Variants in FXYD7 observed in about 807,000 individuals in gnomAD.
The protein encoded by FXYD7 is FXYD domain containing ion transport regulator 7.
In FXYD7, 7 loss-of-function variants were observed where a neutral mutation model predicts 15.3. The ratio of observed to expected loss-of-function variants is 0.46; its 90% CI spans 0.26 to 0.86. The LOEUF is 0.86. Ranked by LOEUF, FXYD7 falls within the 40% of genes least tolerant of loss-of-function variation. FXYD7 has a pLI of 0.16. For synonymous variants in FXYD7, 39 were observed against 39.3 expected (o/e 0.99, Z 0.03); for missense variants, 78 against 100.6 (o/e 0.78, Z 0.96).
In FXYD7 at chr19:35,143,404, G is replaced by A; in HGVS notation, c.31+40G>A. On this transcript the variant is annotated intron_variant, in intron 1 of 5. Coordinates refer to ENST00000270310, the MANE Select transcript of FXYD7 (RefSeq NM_022006.2). This position sits in a 1 kb window ranked among gnomAD's most constrained non-coding sequence, Gnocchi z 4.3. ...GGGAGGGGGTTGCAGGGGGGCTCCG[G>A]GATCTGAGAGCCTAGGAGAGAGGGT... 2 of 1,438,986 alleles carry A rather than the reference G, an allele frequency of 1.4e-6. No homozygotes were observed. The highest frequency in any genetic ancestry group is 1.9e-6 in the Non-Finnish European group (2 of 1,076,548). 89.1% of individuals were successfully genotyped at this position (1,438,986 alleles called of 1,614,324 possible).
Position 35,151,454 on chromosome 19 carries a change from T to G in FXYD7, c.151T>G (p.Cys51Gly), listed in dbSNP as rs764079156. The change falls in exon 4 of 6, where the codon TGC (cysteine) becomes GGC (glycine). Residue 51 changes from cysteine to glycine, a missense_variant. By Grantham distance (159) the Cys-to-Gly change is radical (BLOSUM62 -3). Transcript: ENST00000270310. ...TCTCCCAACAGGCAAGAAGGTGAAG[T>G]GCAGGAAGGCGGACTCCAGGTCTGA... The part of the protein sequence containing the change: ...ILIVISKKVK[C>G]RKADSRSESP... 6.2e-7 allele frequency: 1 copy of G among 1,614,142 alleles called. No individual in the cohort carries two copies. Among genetic ancestry groups the G allele is most frequent in the East Asian group, 2.2e-5 (1 of 44,878 alleles).
In FXYD7 at chr19:35,143,346, A is replaced by C. The variant is rs1424235783; in HGVS notation, c.13A>C (p.Thr5Pro). The C allele has an allele frequency of 6.6e-7, 1 of 1,523,590 alleles. No individual in the cohort carries two copies. Among genetic ancestry groups the C allele is most frequent in the Non-Finnish European group, 8.8e-7 (1 of 1,137,578 alleles). 94.4% of individuals were successfully genotyped at this position (1,523,590 alleles called of 1,614,324 possible). MATP[T>P]QTPTKAPEEP... ...GCTCCGGCCCAGCATGGCGACCCCG[A>C]CCCAGACCCCCACAAAGGGTGAGCG... is the stretch of plus-strand genomic sequence containing the variant. Residue 5 changes from threonine (T) to proline (P), a missense_variant, in exon 1 of 6, where the codon ACC becomes CCC. Physicochemically the swap from Thr to Pro is conservative, Grantham distance 38. Transcript: ENST00000270310. The surrounding 1 kb of genome is among the most constrained non-coding windows in gnomAD (Gnocchi z 4.3).
rs752702983 is a variant in FXYD7 at position 35,151,260 on chromosome 19, A to G, written c.68A>G (p.Asn23Ser). The G allele has an allele frequency of 5.0e-6, 8 of 1,598,148 alleles. No homozygotes were observed. Among genetic ancestry groups the G allele is most frequent in the Non-Finnish European group, 6.9e-6 (8 of 1,165,596 alleles). The stretch of plus-strand genomic sequence containing the variant: ...CCCCCATTATCTTCCCCAGACTACA[A>G]CACGGTGCAGACTGTGGGCATGACT... ...EEPDPFYYDY[N>S]TVQTVGMTLA... The change falls in exon 3 of 6, where the codon AAC (asparagine) becomes AGC (serine). Residue 23 changes from asparagine (N) to serine (S), a missense_variant. Physicochemically the swap from Asn to Ser is conservative, Grantham distance 46. Coordinates refer to ENST00000270310, the MANE Select transcript of FXYD7 (RefSeq NM_022006.2).
chr19:35,148,271 G>C (rs1420152830), intron 1 of FXYD7, among the ~76,000 whole-genome samples: 1 of 152,164 alleles, frequency 6.6e-6, no homozygotes, highest in Admixed American at 6.5e-5. Flanking sequence ...GAAGTTTTAG[G>C]GAGTATTCAG....
intron 2 of FXYD7, 127 bp from the exon 3 acceptor site, chr19:35,151,126 GT>G: frequency 1.3e-6 from 1 of 752,704 alleles, no homozygotes; most frequent in Non-Finnish European, 2.5e-6. Flanking sequence ...CTGAAGGAGT[GT>G]CCAGCACAGT....
intron 1 of FXYD7, among the ~76,000 whole-genome samples, chr19:35,146,168 C>T (rs997131113): frequency 2.6e-5 from 4 of 151,732 alleles, no homozygotes; most frequent in Admixed American, 6.6e-5. Context: ...GACAGAGTCT[C>T]GCTCTGTCAT....
intron 2 of FXYD7, among the ~76,000 whole-genome samples, chr19:35,150,590 T>C (rs1030426677): frequency 1.3e-5 from 2 of 151,884 alleles, no homozygotes; most frequent in South Asian, 2.1e-4. Context: ...ACGTGGATAT[T>C]TGGGGGAAGA....
At chr19:35,151,154 C>T (rs759345197) in intron 2 of FXYD7, 100 bp from the exon 3 acceptor site, 83 of 801,644 alleles carry the variant, frequency 1.0e-4, no homozygotes, top group Middle Eastern at 4.5e-4. Context: ...CCTCCCTGGG[C>T]GATTCTGGGT....
chr19:35,148,026 G>GGAAAGAAAGAAAGAAAGAAAGAAAGAAA (rs59209064), intron 1 of FXYD7, among the ~76,000 whole-genome samples: 12 of 88,556 alleles, frequency 1.4e-4, no homozygotes, highest in Admixed American at 2.6e-4. Context: ...GAAGAAAGAA[G>GGAAAGAAAGAAAGAAAGAAAGAAAGAAA]GAAAGAAAGA....
chr19:35,150,573 A>G (rs2065306147), intron 2 of FXYD7, among the ~76,000 whole-genome samples: 1 of 152,068 alleles, frequency 6.6e-6, no homozygotes. Context: ...TGGTGAGGGA[A>G]GGAGCCACGT....
intron 5 of FXYD7, among the ~76,000 whole-genome samples, chr19:35,152,399 G>T (rs1236318139): frequency 6.6e-6 from 1 of 151,968 alleles, no homozygotes; most frequent in Admixed American, 6.6e-5. Context: ...AGGGAGCACT[G>T]AGGAAGACGG....
At chr19:35,149,282 G>T (rs968899087) in intron 2 of FXYD7, 5 of 338,864 alleles carry the variant, frequency 1.5e-5, no homozygotes, top group Non-Finnish European at 2.9e-5. Flanking sequence ...CCACCCCTTT[G>T]CTCATTCATA....
chr19:35,151,106 C>A (rs2065308005), intron 2 of FXYD7, 148 bp from the exon 3 acceptor site: 5 of 710,836 alleles, frequency 7.0e-6, no homozygotes. Flanking sequence ...TACATCCTCA[C>A]ATCAACCCCC....
chr19:35,143,629 T>C lies in FXYD7; in HGVS notation c.31+265T>C, dbSNP rs911042504. 6.6e-5 allele frequency among the ~76,000 whole-genome samples: 10 copies of C among 151,958 alleles called. No homozygotes were observed. Among genetic ancestry groups the C allele is most frequent in the African/African-American group, 1.9e-4 (8 of 41,366 alleles). ...GAGAAGGGATGCTCGGACAGGTCGC[T>C]ATGGCAACCGGGTGGCTGGTCCCGC... On this transcript the variant is annotated intron_variant, in intron 1 of 5. Transcript: ENST00000270310. The surrounding 1 kb of genome is among the most constrained non-coding windows in gnomAD (Gnocchi z 4.3).
chr19:35,148,652 G>GTT, intron 1 of FXYD7, 42 bp from the exon 2 acceptor site: 63 of 1,354,510 alleles, frequency 4.7e-5, no homozygotes, highest in South Asian at 5.8e-5. Flanking sequence ...ACACTGTTAA[G>GTT]TTTTTTTTTT....
rs578107548 is a variant in FXYD7 at position 35,147,556 on chromosome 19, C to G, written c.32-1138C>G. Among the ~76,000 whole-genome samples the G allele has an allele frequency of 4.3e-4, 65 of 152,262 alleles. 1 individual carries two copies. Among genetic ancestry groups the G allele is most frequent in the Non-Finnish European group, 7.9e-4 (54 of 68,022 alleles). On this transcript the variant is annotated intron_variant, in intron 1 of 5. Transcript: ENST00000270310. Reference sequence around the variant, plus strand: ...CACACACATTTTATCCACATGTGAACATTTCTGAAATCATTATGTGTCTTC... The same window carrying G: ...CACACACATTTTATCCACATGTGAAGATTTCTGAAATCATTATGTGTCTTC...
chr19:35,144,732 T>A (rs979123804), intron 1 of FXYD7, among the ~76,000 whole-genome samples: 1 of 151,800 alleles, frequency 6.6e-6, no homozygotes, highest in African/African-American at 2.4e-5. Context: ...CAGGGCTTCT[T>A]TTTGCAGAGG....
At chr19:35,148,389 A>T (rs1399416849) in intron 1 of FXYD7, among the ~76,000 whole-genome samples, 1 of 152,260 alleles carries the variant, frequency 6.6e-6, no homozygotes, top group Non-Finnish European at 1.5e-5. Context: ...GAATGAGTCC[A>T]TAGCTTGCAT....
At position 35,143,412 on chromosome 19, in the gene FXYD7, G is replaced by C. The variant is rs2065276418; in HGVS notation, c.31+48G>C. 6.6e-6 allele frequency: 9 copies of C among 1,363,354 alleles called. No individual in the cohort carries two copies. Among genetic ancestry groups the C allele is most frequent in the Non-Finnish European group, 7.9e-6 (8 of 1,018,884 alleles). 84.5% of individuals were successfully genotyped at this position (1,363,354 alleles called of 1,614,324 possible). ...GTTGCAGGGGGGCTCCGGGATCTGA[G>C]AGCCTAGGAGAGAGGGTGTCGGGAG... On this transcript the variant is annotated intron_variant, in intron 1 of 5. Coordinates refer to ENST00000270310, the MANE Select transcript of FXYD7 (RefSeq NM_022006.2). The surrounding 1 kb of genome is among the most constrained non-coding windows in gnomAD (Gnocchi z 4.3).
Sources: allele counts gnomAD v4.1 joint callset (sites outside exome capture counted in the v4.1 genomes callset), GRCh38; gene constraint gnomAD v4.1.1; non-coding constraint Gnocchi (gnomAD v3.1); transcripts MANE v1.5; gene names NCBI Gene and HGNC (gene_info 2026-07-23, HGNC 2026-07-21).